Variants in CELF2 observed in about 807,000 individuals in gnomAD.
The protein encoded by CELF2 is CUGBP Elav-like family member 2, also known as CUG triplet repeat RNA-binding protein 2.
In CELF2, 8 loss-of-function variants were observed where a neutral mutation model predicts 62.6. The ratio of observed to expected loss-of-function variants is 0.13; its 90% CI spans 0.07 to 0.23. The LOEUF is 0.23. Among genes scored for constraint, CELF2 ranks in the 10% least tolerant of loss-of-function variants. CELF2 has a pLI of 1.00. For synonymous variants in CELF2, 258 were observed against 250.0 expected, an observed-to-expected ratio of 1.03 and a Z score of -0.30; for missense variants, 333 against 671.0, an observed-to-expected ratio of 0.50 and a Z score of 5.56.
In CELF2 at chr10:11,260,688, T is replaced by C. The variant is rs2080252255; in HGVS notation, c.538+2816T>C. Among the ~76,000 whole-genome samples the C allele has an allele frequency of 6.6e-6, 1 of 151,346 alleles. No individual in the cohort carries two copies. Among genetic ancestry groups the C allele is most frequent in the Admixed American group, 6.6e-5 (1 of 15,202 alleles). On this transcript the variant is annotated intron_variant, in intron 5 of 12. Coordinates refer to ENST00000633077, the MANE Select transcript of CELF2 (RefSeq NM_001326342.2). The surrounding 1 kb of genome is among the most constrained non-coding windows in gnomAD (Gnocchi z 4.2). ...TAAACAGCAGAAAAGTAATTTCTGG[T>C]GAACTGATGAGAATTCCCTGTTGCA...
At chr10:11,002,381 G>T (rs1406380121), upstream of CELF2, among the ~76,000 whole-genome samples, 4 of 152,124 alleles carry the variant, frequency 2.6e-5, no homozygotes, top group Non-Finnish European at 5.9e-5. This position sits in a 1 kb window ranked among gnomAD's most constrained non-coding sequence, Gnocchi z 4.4. Context: ...GAGCCAAACC[G>T]TATCACTATC....
chr10:10,517,519 G>A, the CELF2 span, among the ~76,000 whole-genome samples: 5 of 152,266 alleles, frequency 3.3e-5, no homozygotes, highest in African/African-American at 1.2e-4. Context: ...TTTGACATGT[G>A]CCTGTCTCCT....
intron 1 of CELF2, among the ~76,000 whole-genome samples, chr10:11,073,194 T>A (rs1024283223): frequency 2.6e-5 from 4 of 152,216 alleles, no homozygotes; most frequent in African/African-American, 9.6e-5. Flanking sequence ...AGTGACTCAG[T>A]GGGCCTCCTG....
chr10:11,033,801 T>C (rs2060524571), intron 1 of CELF2, among the ~76,000 whole-genome samples: 1 of 152,246 alleles, frequency 6.6e-6, no homozygotes, highest in African/African-American at 2.4e-5. Context: ...ATTACAGTTG[T>C]ACAGTCTGTA....
At chr10:11,326,909 T>G (rs1167769619) in intron 12 of CELF2, among the ~76,000 whole-genome samples, 1 of 152,128 alleles carries the variant, frequency 6.6e-6, no homozygotes, top group Admixed American at 6.5e-5. Flanking sequence ...TAAAGGAAAG[T>G]AGCAAAGGGA....
chr10:10,503,435 T>C, the CELF2 span, among the ~76,000 whole-genome samples: 1 of 152,026 alleles, frequency 6.6e-6, no homozygotes, highest in Non-Finnish European at 1.5e-5. Flanking sequence ...AGGATTGTTA[T>C]ATCTTCTTGG....
intron 3 of CELF2, among the ~76,000 whole-genome samples, chr10:11,239,160 T>G (rs2072769414): frequency 6.6e-6 from 1 of 152,230 alleles, no homozygotes; most frequent in Non-Finnish European, 1.5e-5. Context: ...CCCAGAGTAA[T>G]CTAGTTTTCC....
chr10:10,802,941 C>T (rs2054821315), intron 1 of CELF2, among the ~76,000 whole-genome samples: 1 of 152,176 alleles, frequency 6.6e-6, no homozygotes, highest in African/African-American at 2.4e-5. Flanking sequence ...GTTTCCAGCT[C>T]TAGTAGGTTC....
the CELF2 span, among the ~76,000 whole-genome samples, chr10:10,619,593 A>G: frequency 2.0e-5 from 3 of 152,224 alleles, no homozygotes; most frequent in Middle Eastern, 3.4e-3. Context: ...CATGTTCCCT[A>G]TGGTCTTACC....
At chr10:10,775,461 C>G in the CELF2 span, among the ~76,000 whole-genome samples, 1 of 152,146 alleles carries the variant, frequency 6.6e-6, no homozygotes, top group South Asian at 2.1e-4. Flanking sequence ...AAAACCCAGT[C>G]TCTACTAAAA....
the CELF2 span, among the ~76,000 whole-genome samples, chr10:10,562,781 G>GAGCCTACCTCCCTGCCCTCCAC: frequency 0.045 from 6,199 of 136,942 alleles, 272 homozygotes; most frequent in Non-Finnish European, 0.056. Context: ...GTCAGATACG[G>GAGCCTACCTCCCTGCCCTCCAC]AGCCTACCTC....
At chr10:10,696,410 G>T in the CELF2 span, among the ~76,000 whole-genome samples, 11 of 151,780 alleles carry the variant, frequency 7.2e-5, no homozygotes, top group African/African-American at 2.7e-4. Context: ...CTTCAAAGCT[G>T]TCAGACAGGG....
the CELF2 span, among the ~76,000 whole-genome samples, chr10:10,705,991 A>G: frequency 6.6e-6 from 1 of 152,192 alleles, no homozygotes; most frequent in African/African-American, 2.4e-5. Context: ...CACTGGTGCC[A>G]CACTCTACAT....
At chr10:10,752,090 T>G in the CELF2 span, among the ~76,000 whole-genome samples, 1 of 152,152 alleles carries the variant, frequency 6.6e-6, no homozygotes, top group African/African-American at 2.4e-5. Context: ...ATGCAAGAGG[T>G]CACAGACGAA....
chr10:11,208,881 C>G (rs1320504991), intron 2 of CELF2, among the ~76,000 whole-genome samples: 2 of 152,136 alleles, frequency 1.3e-5, no homozygotes, highest in Admixed American at 1.3e-4. Context: ...CTTCCCGACT[C>G]CCAACGTTTG....
rs778027405 is a variant in CELF2 at position 11,221,558 on chromosome 10, G to T, written c.354+4051G>T. On this transcript the variant is annotated intron_variant, in intron 3 of 12. Coordinates refer to ENST00000633077, the MANE Select transcript of CELF2 (RefSeq NM_001326342.2). ...CAAGGTCTTAACACATATTGTCTCT[G>T]GTAATAAGGCTTTTGGATTGAAATC... 2.6e-5 allele frequency among the ~76,000 whole-genome samples: 4 copies of T among 152,106 alleles called. No homozygotes were observed. The South Asian group carries it at 8.3e-4, about 31-fold the overall frequency.
At chr10:10,572,454 C>T in the CELF2 span, among the ~76,000 whole-genome samples, 2 of 152,066 alleles carry the variant, frequency 1.3e-5, no homozygotes, top group Non-Finnish European at 1.5e-5. Context: ...AACCCATCAC[C>T]TTGGTATTAA....
chr10:10,548,383 C>T, the CELF2 span, among the ~76,000 whole-genome samples: 1 of 152,192 alleles, frequency 6.6e-6, no homozygotes, highest in Non-Finnish European at 1.5e-5. Flanking sequence ...GCAAAGATAA[C>T]CATACTGTGT....
chr10:10,662,957 C>T, the CELF2 span, among the ~76,000 whole-genome samples: 1 of 152,184 alleles, frequency 6.6e-6, no homozygotes, highest in African/African-American at 2.4e-5. Flanking sequence ...GTCTGAACTC[C>T]ACTGTTCTGA....
Sources: allele counts gnomAD v4.1 joint callset (sites outside exome capture counted in the v4.1 genomes callset), GRCh38; gene constraint gnomAD v4.1.1; non-coding constraint Gnocchi (gnomAD v3.1); transcripts MANE v1.5; gene names NCBI Gene and HGNC (gene_info 2026-07-23, HGNC 2026-07-21).